The following AMPH variants were observed in gnomAD, a reference collection of about 807,000 sequenced individuals.
AMPH encodes the protein amphiphysin, also known as amphiphysin (Stiff-Mann syndrome with breast cancer 128kD autoantigen).
In AMPH, 49 loss-of-function variants were observed where a neutral mutation model predicts 99.1. That is an observed-to-expected ratio of 0.49 (90% CI 0.39 to 0.63). AMPH has a LOEUF of 0.63. Among genes scored for constraint, AMPH ranks in the 20% least tolerant of loss-of-function variants. The pLI is 0.00. For missense variants in AMPH, 759 were observed against 863.4 expected, an observed-to-expected ratio of 0.88 and a Z score of 1.52; for synonymous variants, 314 against 317.3, an observed-to-expected ratio of 0.99 and a Z score of 0.11.
At chr7:38,398,151 G>A (rs1284819937) in intron 17 of AMPH, among the ~76,000 whole-genome samples, 1 of 128,416 alleles carries the variant, frequency 7.8e-6, no homozygotes, top group Non-Finnish European at 1.6e-5. Context: ...GATACCATAT[G>A]ATCCAGCAAT....
At chr7:38,613,280 G>A (rs967021135) in intron 1 of AMPH, among the ~76,000 whole-genome samples, 3 of 151,610 alleles carry the variant, frequency 2.0e-5, no homozygotes, top group Non-Finnish European at 2.9e-5. Flanking sequence ...TTTCTAAAAC[G>A]TCTTGGCCAA....
intron 2 of AMPH, among the ~76,000 whole-genome samples, chr7:38,508,583 C>T (rs549759638): frequency 6.6e-6 from 1 of 152,302 alleles, no homozygotes; most frequent in African/African-American, 2.4e-5. Context: ...GCAGTACTAA[C>T]ATCTGCATGA....
At chr7:38,505,484 C>A (rs980687559) in intron 2 of AMPH, among the ~76,000 whole-genome samples, 2 of 152,152 alleles carry the variant, frequency 1.3e-5, no homozygotes, top group East Asian at 1.9e-4. Context: ...AAGTGCTAAA[C>A]AATTGACTCC....
At chr7:38,623,210 C>T (rs1794130489) in intron 1 of AMPH, among the ~76,000 whole-genome samples, 2 of 152,038 alleles carry the variant, frequency 1.3e-5, no homozygotes, top group South Asian at 2.1e-4. Context: ...GTAAAGGGGG[C>T]CATATTGTTT....
intron 1 of AMPH, among the ~76,000 whole-genome samples, chr7:38,627,817 T>C (rs1794312130): frequency 6.6e-6 from 1 of 152,100 alleles, no homozygotes; most frequent in Non-Finnish European, 1.5e-5. Context: ...AATTTATATG[T>C]ACAAGAACCA....
intron 1 of AMPH, among the ~76,000 whole-genome samples, chr7:38,597,405 T>C (rs1018249095): frequency 2.0e-5 from 3 of 152,158 alleles, no homozygotes; most frequent in Non-Finnish European, 2.9e-5. Flanking sequence ...GATCATGTAT[T>C]TGACCTAGAT....
intron 1 of AMPH, among the ~76,000 whole-genome samples, chr7:38,559,810 G>T (rs1437953001): frequency 6.6e-6 from 1 of 152,152 alleles, no homozygotes; most frequent in Admixed American, 6.5e-5. Context: ...ACCTATTCCT[G>T]CTTCAGTATG....
chr7:38,411,948 G>A (rs991685463), intron 17 of AMPH, among the ~76,000 whole-genome samples: 7 of 152,160 alleles, frequency 4.6e-5, no homozygotes, highest in Admixed American at 3.3e-4. Context: ...TCTAGATTTA[G>A]TATGTGACAA....
At chr7:38,621,890 A>G (rs904777487) in intron 1 of AMPH, among the ~76,000 whole-genome samples, 1 of 152,216 alleles carries the variant, frequency 6.6e-6, no homozygotes, top group Non-Finnish European at 1.5e-5. Flanking sequence ...CAGGAAGTAC[A>G]TCTACAGCCA....
intron 6 of AMPH, 79 bp downstream of exon 6, chr7:38,476,783 G>A (rs1788100645): frequency 1.1e-6 from 1 of 944,298 alleles, no homozygotes; most frequent in Non-Finnish European, 1.7e-6. Context: ...TTATAGAGGA[G>A]GCATTTAATT....
intron 1 of AMPH, among the ~76,000 whole-genome samples, chr7:38,547,628 G>C (rs1791037012): frequency 6.6e-6 from 1 of 152,176 alleles, no homozygotes; most frequent in Non-Finnish European, 1.5e-5. Flanking sequence ...CCAAGGTTAA[G>C]GACAAGCTAT....
chr7:38,620,336 A>ATGTGTGTGTGTGTG (rs3056281), intron 1 of AMPH, among the ~76,000 whole-genome samples: 16 of 145,730 alleles, frequency 1.1e-4, no homozygotes, highest in South Asian at 6.8e-4. Flanking sequence ...AGATATATAT[A>ATGTGTGTGTGTGTG]TGTGTGTGTG....
intron 7 of AMPH, among the ~76,000 whole-genome samples, chr7:38,471,796 A>T (rs1251113233): frequency 6.6e-6 from 1 of 152,204 alleles, no homozygotes; most frequent in African/African-American, 2.4e-5. Context: ...TGGAAAAAAT[A>T]ATATTCCATG....
chr7:38,563,997 T>C (rs1328336862), intron 1 of AMPH, among the ~76,000 whole-genome samples: 2 of 152,226 alleles, frequency 1.3e-5, no homozygotes, highest in African/African-American at 4.8e-5. Context: ...GTGTGATCAA[T>C]CATTCCCTTC....
rs1186002770 is a variant in AMPH at position 38,389,873 on chromosome 7, A to G, written c.1911T>C (p.Asn637=). 6.2e-7 allele frequency: 1 copy of G among 1,613,788 alleles called. No homozygotes were observed. The highest frequency in any genetic ancestry group is 8.5e-7 in the Non-Finnish European group (1 of 1,180,004). Residue 637 remains asparagine (N), a synonymous_variant, in exon 20 of 21, where the codon AAT becomes AAC. Transcript: ENST00000356264. ...CCCTTTGTAAGGTAAGTTCATCAGA[A>G]TTTGCTGCCTCAAAATCATGCAGTG... ...VETLHDFEAA[N]SDELTLQRGD...
At chr7:38,504,292 G>A (rs1019380676) in intron 2 of AMPH, among the ~76,000 whole-genome samples, 2 of 152,052 alleles carry the variant, frequency 1.3e-5, no homozygotes, top group African/African-American at 4.8e-5. Context: ...AAACTATGTA[G>A]TTTGCATTAT....
chr7:38,515,799 T>C (rs886651606), intron 2 of AMPH, among the ~76,000 whole-genome samples: 2 of 152,180 alleles, frequency 1.3e-5, no homozygotes, highest in South Asian at 4.1e-4. Flanking sequence ...AAAATTCTGA[T>C]AGTGATATAG....
At chr7:38,592,358 C>A (rs1482422761) in intron 1 of AMPH, among the ~76,000 whole-genome samples, 1 of 152,202 alleles carries the variant, frequency 6.6e-6, no homozygotes, top group African/African-American at 2.4e-5. Context: ...ATCATTCCCT[C>A]TTCACAGCTA....
chr7:38,552,596 T>C (rs1584237040), intron 1 of AMPH, among the ~76,000 whole-genome samples: 1 of 152,194 alleles, frequency 6.6e-6, no homozygotes, highest in African/African-American at 2.4e-5. Flanking sequence ...ATCAGGGTCC[T>C]GAAGACCACT....
Sources: gnomAD v4.1 joint callset for allele counts (sites outside exome capture counted in the v4.1 genomes callset) on GRCh38, gnomAD v4.1.1 for gene constraint, MANE v1.5 for transcripts, NCBI Gene and HGNC (gene_info 2026-07-23, HGNC 2026-07-21) for gene names.